Variants in TOX3 observed in about 807,000 individuals in gnomAD.
TOX3 encodes the protein CAG trinucleotide repeat-containing gene F9 protein.
In TOX3, 22 loss-of-function variants were observed where a neutral mutation model predicts 64.3. The observed-to-expected ratio is 0.34, with a 90% CI of 0.24 to 0.49. The LOEUF is 0.49. Ranked by LOEUF, TOX3 falls within the 20% of genes least tolerant of loss-of-function variation. The pLI, the probability that TOX3 is intolerant of heterozygous loss-of-function variation, is 0.99. For missense variants in TOX3, 661 were observed against 714.4 expected, an observed-to-expected ratio of 0.93 and a Z score of 0.85; for synonymous variants, 291 against 273.6, an observed-to-expected ratio of 1.06 and a Z score of -0.63.
intron 1 of TOX3, chr16:52,519,414 A>T: frequency 6.4e-7 from 1 of 1,551,514 alleles, no homozygotes; most frequent in South Asian, 1.2e-5. Context: ...ACTTTCAGAT[A>T]GGTAGTTATC....
chr16:52,495,570 G>A (rs767687489), intron 1 of TOX3, among the ~76,000 whole-genome samples: 160 of 152,298 alleles, frequency 1.1e-3, no homozygotes, highest in Non-Finnish European at 1.8e-3. Context: ...CTCTCAGAGA[G>A]GTTTAGTGTC....
intron 1 of TOX3, among the ~76,000 whole-genome samples, chr16:52,532,391 C>T (rs527790010): frequency 1.3e-5 from 2 of 152,334 alleles, no homozygotes; most frequent in South Asian, 2.1e-4. Context: ...GTCCGAAATA[C>T]TGCCATCATG....
intron 3 of TOX3, among the ~76,000 whole-genome samples, chr16:52,460,339 G>T (rs1026103076): frequency 6.6e-6 from 1 of 151,958 alleles, no homozygotes; most frequent in Non-Finnish European, 1.5e-5. Flanking sequence ...TCTTTTGGGG[G>T]GCATACAAAA....
rs1195886378 is a variant in TOX3 at position 52,534,463 on chromosome 16, C to A, written c.87+12174G>T. Among the ~76,000 whole-genome samples, 5 of 151,924 alleles carry A rather than the reference C, an allele frequency of 3.3e-5. 1 individual carries two copies. The South Asian group carries it at 8.3e-4, about 25-fold the overall frequency. On this transcript the variant is annotated intron_variant, in intron 1 of 6. Transcript: ENST00000219746. ...GACCAGTCTGGTCAACATAGTGAGA[C>A]CCCATCTCTACAAAAATATTAAAAA...
chr16:52,464,881 A>G (rs1960807225), intron 2 of TOX3, among the ~76,000 whole-genome samples: 1 of 152,060 alleles, frequency 6.6e-6, no homozygotes, highest in Non-Finnish European at 1.5e-5. Flanking sequence ...CCAGTCTTCG[A>G]CTTTTTAAAG....
chr16:52,519,414 A>G (rs1243334279), intron 1 of TOX3: 3 of 1,551,396 alleles, frequency 1.9e-6, no homozygotes, highest in African/African-American at 1.4e-5. Context: ...ACTTTCAGAT[A>G]GGTAGTTATC....
chr16:52,494,179 T>C (rs1232218561), intron 1 of TOX3, among the ~76,000 whole-genome samples: 2 of 152,218 alleles, frequency 1.3e-5, no homozygotes, highest in African/African-American at 4.8e-5. Context: ...TCATAAATCA[T>C]TATGGGCTGT....
At chr16:52,537,455 C>T (rs45457392) in intron 1 of TOX3, among the ~76,000 whole-genome samples, 127 of 152,316 alleles carry the variant, frequency 8.3e-4, no homozygotes, top group Non-Finnish European at 1.5e-3. Flanking sequence ...TAAGCACAGG[C>T]TCATTTTGGT....
chr16:52,461,965 C>T (rs1165745825), intron 3 of TOX3, among the ~76,000 whole-genome samples: 1 of 152,122 alleles, frequency 6.6e-6, no homozygotes, highest in Non-Finnish European at 1.5e-5. Context: ...ACATTGTATT[C>T]ATCATAATTC....
chr16:52,466,603 C>G (rs1960870627), intron 2 of TOX3, among the ~76,000 whole-genome samples: 1 of 152,130 alleles, frequency 6.6e-6, no homozygotes, highest in African/African-American at 2.4e-5. Flanking sequence ...ACTTCCAAAA[C>G]TAACATAAAA....
chr16:52,475,399 C>T (rs1167348252), intron 1 of TOX3: 2 of 152,340 alleles, frequency 1.3e-5, no homozygotes, highest in African/African-American at 4.8e-5. Flanking sequence ...GCCAACACCA[C>T]TAGTCACTCC....
At chr16:52,444,897 C>T (rs917493989) in intron 5 of TOX3, 2 of 152,138 alleles carry the variant, frequency 1.3e-5, no homozygotes, top group African/African-American at 4.8e-5. Flanking sequence ...AATTAAAAGT[C>T]AGAAATCATC....
intron 1 of TOX3, among the ~76,000 whole-genome samples, chr16:52,475,259 G>A (rs1000788207): frequency 6.6e-6 from 1 of 152,204 alleles, no homozygotes. Context: ...GAAGAAGAGT[G>A]TTTGGTAAAT....
chr16:52,546,573 G>T, intron 1 of TOX3, 64 bp downstream of exon 1: 1 of 1,460,756 alleles, frequency 6.8e-7, no homozygotes, highest in Non-Finnish European at 9.2e-7. Flanking sequence ...GAGCCCGAGC[G>T]CGGGGCGCGC....
Position 52,450,558 on chromosome 16 carries a change from G to A in TOX3, c.409-12C>T. ...GTGTGGCTCTGATCCTAGAAAGGCA[G>A]CAACAAAGGGGGAAAATATTTCAGC... On this transcript the variant is annotated splice_polypyrimidine_tract_variant and intron_variant, in intron 3 of 6. Transcript: ENST00000219746. 1.2e-6 allele frequency: 2 copies of A among 1,613,238 alleles called. No individual in the cohort carries two copies. Among genetic ancestry groups the A allele is most frequent in the South Asian group, 1.1e-5 (1 of 91,078 alleles).
chr16:52,486,921 G>A (rs1961548621), intron 1 of TOX3, among the ~76,000 whole-genome samples: 1 of 151,968 alleles, frequency 6.6e-6, no homozygotes, highest in African/African-American at 2.4e-5. Flanking sequence ...GAGCAACAAA[G>A]CGAGCCTCTA....
At position 52,450,269 on chromosome 16, in the gene TOX3, T is replaced by C; in HGVS notation, c.678+8A>G. 6.2e-7 allele frequency: 1 copy of C among 1,614,012 alleles called. No homozygotes were observed. Among genetic ancestry groups the C allele is most frequent in the Non-Finnish European group, 8.5e-7 (1 of 1,179,864 alleles). ...GGCAGGTTACACACTAAGGCAGTTC[T>C]AACTTACTCTGTTGGCTTCATCAGC... On this transcript the variant is annotated splice_region_variant and intron_variant, in intron 4 of 6. Transcript: ENST00000219746.
intron 1 of TOX3, among the ~76,000 whole-genome samples, chr16:52,513,212 T>C (rs1026248067): frequency 2.0e-5 from 3 of 152,234 alleles, no homozygotes; most frequent in African/African-American, 7.2e-5. Flanking sequence ...GGTTCAATGC[T>C]TCTCATGCCC....
chr16:52,536,399 G>A (rs1386543161), intron 1 of TOX3, among the ~76,000 whole-genome samples: 1 of 151,526 alleles, frequency 6.6e-6, no homozygotes, highest in Non-Finnish European at 1.5e-5. Context: ...GACATTTGGG[G>A]AGAGGGCTCT....
Sources: gnomAD v4.1 joint callset for allele counts (sites outside exome capture counted in the v4.1 genomes callset) on GRCh38, gnomAD v4.1.1 for gene constraint, MANE v1.5 for transcripts, NCBI Gene and HGNC (gene_info 2026-07-23, HGNC 2026-07-21) for gene names.